The following SEMA6D variants were observed in gnomAD, a reference collection of about 807,000 sequenced individuals.
SEMA6D encodes semaphorin 6D.
Under a neutral mutation model 106.6 loss-of-function variants are expected in SEMA6D, and 35 were observed. The ratio of observed to expected loss-of-function variants is 0.33; its 90% CI spans 0.25 to 0.44. The LOEUF (loss-of-function observed/expected upper bound fraction) is 0.44, where lower values mean the gene tolerates loss of function less well. SEMA6D is among the 20% of genes least tolerant of loss of function. SEMA6D has a pLI of 1.00. For synonymous variants in SEMA6D, 499 were observed against 487.7 expected (o/e 1.02, Z -0.31); for missense variants, 1,185 against 1,345.9 (o/e 0.88, Z 1.87).
chr15:47,713,579 C>T (rs2079059219), upstream of SEMA6D, among the ~76,000 whole-genome samples: 2 of 152,088 alleles, frequency 1.3e-5, no homozygotes, highest in Non-Finnish European at 2.9e-5. Flanking sequence ...CTATAATGTG[C>T]GAACGCAAGG....
rs764238748 is a variant in SEMA6D, at chr15:47,759,824, A to G, written c.26A>G (p.Tyr9Cys). 3.0e-5 allele frequency: 49 copies of G among 1,613,646 alleles called. No individual in the cohort carries two copies. Among genetic ancestry groups the G allele is most frequent in the South Asian group, 8.8e-5 (8 of 91,080 alleles). Residue 9 changes from tyrosine to cysteine, a missense_variant, in exon 2 of 19, where the codon TAC becomes TGC. This residue lies in a region of SEMA6D where 144 missense variants were observed against 138.6 expected (regional missense o/e 1.04). Coordinates refer to ENST00000536845, the MANE Select transcript of SEMA6D (RefSeq NM_001358351.3). MRVFLLCA[Y>C]ILLLMVSQLR... Reference sequence around the variant, plus strand: ...ATGAGGGTCTTCCTGCTTTGTGCCTACATACTGCTGCTGATGGTTTCCCAG... The same window carrying G: ...ATGAGGGTCTTCCTGCTTTGTGCCTGCATACTGCTGCTGATGGTTTCCCAG...
At chr15:47,367,793 G>A (rs2039117013) in intron 1 of SEMA6D, among the ~76,000 whole-genome samples, 1 of 152,002 alleles carries the variant, frequency 6.6e-6, no homozygotes, top group South Asian at 2.1e-4. Flanking sequence ...ACTGCAATCT[G>A]TATTTAAGTT....
intron 4 of SEMA6D, among the ~76,000 whole-genome samples, chr15:47,669,587 T>C (rs1277773394): frequency 6.6e-6 from 1 of 152,186 alleles, no homozygotes; most frequent in African/African-American, 2.4e-5. Flanking sequence ...TCAAAACTCT[T>C]ATCCTTCTCT....
intron 3 of SEMA6D, among the ~76,000 whole-genome samples, chr15:47,519,426 G>T (rs2044498869): frequency 6.6e-6 from 1 of 152,108 alleles, no homozygotes; most frequent in Non-Finnish European, 1.5e-5. Flanking sequence ...ATATTATGAA[G>T]AGCATTACTG....
intron 1 of SEMA6D, among the ~76,000 whole-genome samples, chr15:47,342,613 A>G (rs2037864827): frequency 6.6e-6 from 1 of 152,202 alleles, no homozygotes; most frequent in South Asian, 2.1e-4. Context: ...TTAAAATCTA[A>G]AATTATTATG....
chr15:47,283,264 A>C (rs2142579820), intron 1 of SEMA6D, among the ~76,000 whole-genome samples: 1 of 152,262 alleles, frequency 6.6e-6, no homozygotes. Flanking sequence ...GCAGAAGGAA[A>C]AGTATATGCG....
chr15:47,207,991 GCGCACACA>G (rs772760193), intron 1 of SEMA6D, among the ~76,000 whole-genome samples: 8,474 of 122,874 alleles, frequency 0.069, 569 homozygotes, highest in East Asian at 0.16. Context: ...ACTGGCGCGC[GCGCACACA>G]CACACACACA....
intron 2 of SEMA6D, among the ~76,000 whole-genome samples, chr15:47,439,628 A>C (rs74011444): frequency 0.014 from 2,177 of 152,220 alleles, 61 homozygotes; most frequent in African/African-American, 0.05. Context: ...TTCACTTTGC[A>C]AAGGCAGAGC....
At chr15:47,381,861 C>T (rs752378304) in intron 1 of SEMA6D, among the ~76,000 whole-genome samples, 51 of 152,234 alleles carry the variant, frequency 3.4e-4, no homozygotes, top group Non-Finnish European at 5.3e-4. Context: ...GGGCTAACTC[C>T]TCTTGTGCAT....
chr15:47,625,435 A>G (rs1202376460), intron 4 of SEMA6D, among the ~76,000 whole-genome samples: 3 of 152,186 alleles, frequency 2.0e-5, no homozygotes, highest in South Asian at 2.1e-4. Context: ...TAAAATGCCT[A>G]TTGAAAATAT....
intron 4 of SEMA6D, among the ~76,000 whole-genome samples, chr15:47,651,456 C>G (rs1203669477): frequency 1.3e-5 from 2 of 152,116 alleles, no homozygotes; most frequent in Non-Finnish European, 2.9e-5. Context: ...AAATCCTGTC[C>G]TCAAAGAGCT....
chr15:47,329,383 C>A (rs186922810), intron 1 of SEMA6D, among the ~76,000 whole-genome samples: 98 of 152,246 alleles, frequency 6.4e-4, no homozygotes, highest in African/African-American at 2.1e-3. Context: ...CAGCATGGTT[C>A]TTGTGGTGAT....
intron 4 of SEMA6D, among the ~76,000 whole-genome samples, chr15:47,652,664 A>G (rs949844095): frequency 3.3e-5 from 5 of 152,194 alleles, no homozygotes; most frequent in African/African-American, 7.2e-5. Context: ...GCCATTGCCC[A>G]GTGAGACGTA....
intron 4 of SEMA6D, among the ~76,000 whole-genome samples, chr15:47,645,289 G>A (rs1302097934): frequency 6.6e-6 from 1 of 152,104 alleles, no homozygotes; most frequent in African/African-American, 2.4e-5. Context: ...AAGGCACCAG[G>A]GTGAGCACAG....
chr15:47,552,868 T>TTA (rs1555389679), intron 3 of SEMA6D, among the ~76,000 whole-genome samples: 10 of 57,202 alleles, frequency 1.7e-4, no homozygotes, highest in Admixed American at 5.9e-4. Context: ...ATATATATTT[T>TTA]TATATATATA....
At chr15:47,614,254 C>T (rs1199322466) in intron 4 of SEMA6D, among the ~76,000 whole-genome samples, 1 of 152,212 alleles carries the variant, frequency 6.6e-6, no homozygotes, top group African/African-American at 2.4e-5. Flanking sequence ...CCTGGCATCT[C>T]TCTGGATGAT....
At position 47,761,032 on chromosome 15, in the gene SEMA6D, C is replaced by A. The variant is rs501916; in HGVS notation, c.276C>A (p.Pro92=). 585,047 of 1,610,896 alleles carry A rather than the reference C, an allele frequency of 0.36. 111,192 individuals carry two copies. Among genetic ancestry groups the A allele is most frequent in the East Asian group, 0.66 (29,460 of 44,728 alleles). Residue 92 remains proline, a synonymous_variant, in exon 4 of 19, where the codon CCC becomes CCA. Coordinates refer to ENST00000536845, the MANE Select transcript of SEMA6D (RefSeq NM_001358351.3). The part of the protein sequence containing the change: ...LNEMPKTEVI[P]NKKLTWRSRQ... ...AAATGCCCAAAACAGAAGTAATACCCAACAAGGTGAGCAACTGTAGTTGGC... is the reference window on the plus strand; with the variant it reads ...AAATGCCCAAAACAGAAGTAATACCAAACAAGGTGAGCAACTGTAGTTGGC...
intron 4 of SEMA6D, among the ~76,000 whole-genome samples, chr15:47,690,364 C>G (rs1012262836): frequency 3.3e-5 from 5 of 152,074 alleles, no homozygotes; most frequent in Non-Finnish European, 7.4e-5. Flanking sequence ...AAAAAAAACG[C>G]AAATATTAAG....
chr15:47,507,007 T>C (rs899275667), intron 3 of SEMA6D, among the ~76,000 whole-genome samples: 5 of 152,178 alleles, frequency 3.3e-5, no homozygotes, highest in African/African-American at 9.7e-5. Flanking sequence ...AAGCGCTGCC[T>C]GAGCTATTTG....
Sources: allele counts gnomAD v4.1 joint callset (sites outside exome capture counted in the v4.1 genomes callset), GRCh38; gene constraint gnomAD v4.1.1; regional missense constraint gnomAD v4.1.1; transcripts MANE v1.5; gene names NCBI Gene and HGNC (gene_info 2026-07-23, HGNC 2026-07-21).